TMEM132D: variants seen among roughly 807,000 people sequenced by gnomAD.
TMEM132D encodes mature OL transmembrane protein.
A neutral mutation model predicts 62.3 loss-of-function variants in TMEM132D; 21 were observed. The ratio of observed to expected loss-of-function variants is 0.34; its 90% CI spans 0.24 to 0.49. The LOEUF (loss-of-function observed/expected upper bound fraction) is 0.49. Among genes scored for constraint, TMEM132D ranks in the 20% least tolerant of loss-of-function variants. The pLI, the probability that TMEM132D is intolerant of heterozygous loss-of-function variation, is 0.99. For synonymous variants in TMEM132D, 621 were observed against 575.6 expected (o/e 1.08, Z -1.13); for missense variants, 1,346 against 1,402.8 (o/e 0.96, Z 0.65).
At position 129,468,750 on chromosome 12, in the gene TMEM132D, T is replaced by C. The variant is rs77938446; in HGVS notation, c.1115+62309A>G. ...TCGTAAGATATTTTACACAAGATACTTTGAAAACAACTCTTCCCTCTGACA... is the reference window on the plus strand; with the variant it reads ...TCGTAAGATATTTTACACAAGATACCTTGAAAACAACTCTTCCCTCTGACA... On this transcript the variant is annotated intron_variant, in intron 3 of 8. Transcript: ENST00000422113. 9.7e-3 allele frequency among the ~76,000 whole-genome samples: 1,478 copies of C among 152,332 alleles called. 29 individuals are homozygous for C. The highest frequency in any genetic ancestry group is 0.034 in the African/African-American group (1,421 of 41,572).
intron 2 of TMEM132D, among the ~76,000 whole-genome samples, chr12:129,610,098 C>T (rs916744908): frequency 2.6e-5 from 4 of 152,118 alleles, no homozygotes; most frequent in Non-Finnish European, 5.9e-5. Flanking sequence ...AGTGAAACCA[C>T]GTCTCTACTA....
At chr12:129,705,574 T>A (rs1881487780) in intron 1 of TMEM132D, among the ~76,000 whole-genome samples, 1 of 152,212 alleles carries the variant, frequency 6.6e-6, no homozygotes, top group Admixed American at 6.5e-5. Context: ...ATTTTTCTGG[T>A]AATTGTGAGG....
rs569262931 is a variant in TMEM132D at position 129,579,206 on chromosome 12, T to C, written c.969-48001A>G. Among the ~76,000 whole-genome samples the C allele has an allele frequency of 2.3e-4, 35 of 152,356 alleles. No individual in the cohort carries two copies. In the South Asian group the frequency reaches 6.6e-3, roughly 29 times the overall value. ...ATGCCTTTTGTAAAGAGAGAAACAT[T>C]GAATGTATGGGCAATATTGCCACAA... On this transcript the variant is annotated intron_variant, in intron 2 of 8. Coordinates refer to ENST00000422113, the MANE Select transcript of TMEM132D (RefSeq NM_133448.3).
At chr12:129,477,922 T>G (rs1225116756) in intron 3 of TMEM132D, among the ~76,000 whole-genome samples, 3 of 152,036 alleles carry the variant, frequency 2.0e-5, no homozygotes, top group Admixed American at 6.6e-5. Context: ...GACGGGGACA[T>G]GTTATATGTG....
intron 3 of TMEM132D, among the ~76,000 whole-genome samples, chr12:129,385,620 T>G (rs1289924598): frequency 6.6e-6 from 1 of 152,192 alleles, no homozygotes; most frequent in African/African-American, 2.4e-5. Context: ...CAGCAAGAAT[T>G]AGTTGAAAAC....
chr12:129,639,104 C>T (rs1308524924), intron 2 of TMEM132D, among the ~76,000 whole-genome samples: 4 of 152,010 alleles, frequency 2.6e-5, no homozygotes, highest in African/African-American at 4.8e-5. Context: ...AAATCAGGGG[C>T]GGGCATGGTT....
intron 4 of TMEM132D, among the ~76,000 whole-genome samples, chr12:129,269,178 T>C (rs1428176914): frequency 1.3e-5 from 2 of 152,088 alleles, no homozygotes; most frequent in Non-Finnish European, 2.9e-5. Context: ...ATAAATTTCT[T>C]CCCTCTTTTT....
chr12:129,627,068 C>A (rs1355830787), intron 2 of TMEM132D, among the ~76,000 whole-genome samples: 2 of 152,086 alleles, frequency 1.3e-5, no homozygotes, highest in Non-Finnish European at 2.9e-5. Context: ...CAGGATCAAG[C>A]CAGCACAGGT....
chr12:129,174,099 CT>C (rs566562743), intron 5 of TMEM132D, among the ~76,000 whole-genome samples: 433 of 152,270 alleles, frequency 2.8e-3, no homozygotes, highest in African/African-American at 9.7e-3. Flanking sequence ...CGATGCCCCG[CT>C]TTTCTTTATT....
rs1306113449 is a variant in TMEM132D at position 129,139,960 on chromosome 12, C to T, written c.1444-55258G>A. Among the ~76,000 whole-genome samples the T allele has an allele frequency of 2.6e-5, 4 of 152,190 alleles. No homozygotes were observed. In the South Asian group the frequency reaches 8.3e-4, roughly 32 times the overall value. ...TGAACTCCTGGGCTCAAGCTATCCT[C>T]CCTCCTCGGCCTCCCAAAGTGTTGG... is the stretch of plus-strand genomic sequence containing the variant. On this transcript the variant is annotated intron_variant, in intron 5 of 8. Transcript: ENST00000422113.
In TMEM132D at chr12:129,114,634, A is replaced by G. The variant is rs562540341; in HGVS notation, c.1444-29932T>C. Among the ~76,000 whole-genome samples the G allele has an allele frequency of 2.2e-4, 34 of 152,250 alleles. No homozygotes were observed. The South Asian group carries it at 6.8e-3, about 31-fold the overall frequency. On this transcript the variant is annotated intron_variant, in intron 5 of 8. Coordinates refer to ENST00000422113, the MANE Select transcript of TMEM132D (RefSeq NM_133448.3). Reference sequence around the variant, plus strand: ...GCAGACCCACTTCAACAACCAGAACACTGTCATCCTGCCAGAAGCCCCTCG... The same window carrying G: ...GCAGACCCACTTCAACAACCAGAACGCTGTCATCCTGCCAGAAGCCCCTCG...
At chr12:129,420,629 A>G (rs1295480414) in intron 3 of TMEM132D, among the ~76,000 whole-genome samples, 2 of 152,234 alleles carry the variant, frequency 1.3e-5, no homozygotes, top group Admixed American at 6.5e-5. Flanking sequence ...AAAGGCAAAT[A>G]ATTAACCCCA....
chr12:129,803,316 G>A (rs1480047575), intron 1 of TMEM132D, among the ~76,000 whole-genome samples: 1 of 150,010 alleles, frequency 6.7e-6, no homozygotes, highest in African/African-American at 2.5e-5. Context: ...AAATGTAAAA[G>A]AACAGAAATT....
intron 3 of TMEM132D, among the ~76,000 whole-genome samples, chr12:129,338,964 GAGAC>G (rs1869378246): frequency 2.0e-5 from 3 of 152,042 alleles, no homozygotes; most frequent in Admixed American, 1.3e-4. Flanking sequence ...GAGGGCGAGA[GAGAC>G]AGACAGAGAG....
At chr12:129,351,860 C>G (rs189145160) in intron 3 of TMEM132D, among the ~76,000 whole-genome samples, 2 of 152,190 alleles carry the variant, frequency 1.3e-5, no homozygotes, top group Admixed American at 1.3e-4. Flanking sequence ...AAGAACAACC[C>G]TCACCATACC....
chr12:129,511,971 A>G (rs1875508949), intron 3 of TMEM132D, among the ~76,000 whole-genome samples: 1 of 152,252 alleles, frequency 6.6e-6, no homozygotes, highest in African/African-American at 2.4e-5. Context: ...AGCTACATTT[A>G]CAGTGTGTTT....
intron 2 of TMEM132D, among the ~76,000 whole-genome samples, chr12:129,690,681 C>G (rs1881042989): frequency 6.6e-6 from 1 of 151,990 alleles, no homozygotes; most frequent in African/African-American, 2.4e-5. Context: ...AACAAATGCA[C>G]AACAAAATAT....
intron 3 of TMEM132D, among the ~76,000 whole-genome samples, chr12:129,488,531 G>A (rs1220065333): frequency 6.6e-6 from 1 of 152,096 alleles, no homozygotes; most frequent in African/African-American, 2.4e-5. Flanking sequence ...AAAAATAGCT[G>A]GGTGTGGTGG....
At chr12:129,166,910 T>C (rs149756735) in intron 5 of TMEM132D, among the ~76,000 whole-genome samples, 1,659 of 152,104 alleles carry the variant, frequency 0.011, 36 homozygotes, top group African/African-American at 0.038. Flanking sequence ...ACACTTGTAA[T>C]CCCAGCACTT....
Sources: gnomAD v4.1 joint callset for allele counts (sites outside exome capture counted in the v4.1 genomes callset) on GRCh38, gnomAD v4.1.1 for gene constraint, MANE v1.5 for transcripts, NCBI Gene and HGNC (gene_info 2026-07-23, HGNC 2026-07-21) for gene names.